DLGAP1: variants seen among roughly 807,000 people sequenced by gnomAD.
The protein encoded by DLGAP1 is DLG associated protein 1, also known as disks large-associated protein 1.
In DLGAP1, 11 loss-of-function variants were observed where a neutral mutation model predicts 90.8. That is an observed-to-expected ratio of 0.12 (90% CI 0.08 to 0.20). The LOEUF (loss-of-function observed/expected upper bound fraction) is 0.20. Ranked by LOEUF, DLGAP1 falls within the 10% of genes least tolerant of loss-of-function variation. The pLI is 1.00. For synonymous variants in DLGAP1, 558 were observed against 540.7 expected (o/e 1.03, Z -0.44); for missense variants, 1,050 against 1,333.8 (o/e 0.79, Z 3.31).
intron 3 of DLGAP1, among the ~76,000 whole-genome samples, chr18:3,917,397 C>T (rs1323165925): frequency 1.3e-5 from 2 of 152,138 alleles, no homozygotes; most frequent in Admixed American, 6.5e-5. Flanking sequence ...AAGCACTGGA[C>T]GTGAGTCTAA....
chr18:3,748,053 C>T (rs956583635), intron 5 of DLGAP1, among the ~76,000 whole-genome samples: 3 of 152,192 alleles, frequency 2.0e-5, no homozygotes, highest in Non-Finnish European at 2.9e-5. Context: ...TCTCATGTTA[C>T]GTTAATTATT....
chr18:4,163,575 T>C lies in DLGAP1; in HGVS notation c.-266-12288A>G, dbSNP rs934757916. ...GATCTGTAGAAGTAAATTGTGCACA[T>C]ACTTCCCACTGCCAATGTCATCACA... On this transcript the variant is annotated intron_variant, in intron 1 of 12. Transcript: ENST00000315677. Among the ~76,000 whole-genome samples, 3 of 152,226 alleles carry C rather than the reference T, an allele frequency of 2.0e-5. No individual in the cohort carries two copies. In the East Asian group the frequency reaches 5.8e-4, roughly 29 times the overall value.
chr18:3,816,677 GTAT>G (rs2067122351), intron 4 of DLGAP1, among the ~76,000 whole-genome samples: 1 of 152,130 alleles, frequency 6.6e-6, no homozygotes, highest in African/African-American at 2.4e-5. Flanking sequence ...CGGAGGGGTG[GTAT>G]TATTATTATT....
At chr18:4,330,916 A>T (rs1159894914) in intron 1 of DLGAP1, among the ~76,000 whole-genome samples, 2 of 151,806 alleles carry the variant, frequency 1.3e-5, no homozygotes, top group African/African-American at 4.9e-5. Context: ...TTGTTCTATC[A>T]GTTACTGGGA....
At chr18:3,996,844 G>T (rs980395793) in intron 3 of DLGAP1, among the ~76,000 whole-genome samples, 2 of 151,924 alleles carry the variant, frequency 1.3e-5, no homozygotes, top group African/African-American at 4.8e-5. Flanking sequence ...CAAATGTATA[G>T]GCTTTTTATT....
chr18:3,978,583 A>C (rs1163482283), intron 3 of DLGAP1: 1 of 228,774 alleles, frequency 4.4e-6, no homozygotes, highest in Non-Finnish European at 9.0e-6. Flanking sequence ...CAACACGACC[A>C]AGTTCGTTTA....
intron 2 of DLGAP1, among the ~76,000 whole-genome samples, chr18:4,122,933 A>T (rs1338289985): frequency 1.3e-5 from 2 of 151,906 alleles, no homozygotes; most frequent in African/African-American, 4.8e-5. Context: ...TCTTTGGGGG[A>T]TTTCTTGCCT....
chr18:3,886,175 C>T (rs2071308025), intron 3 of DLGAP1, among the ~76,000 whole-genome samples: 1 of 152,136 alleles, frequency 6.6e-6, no homozygotes, highest in Admixed American at 6.5e-5. Flanking sequence ...AAGTGGTGGA[C>T]CCTGCCCAGG....
At chr18:4,113,640 G>C (rs1307686231) in intron 2 of DLGAP1, among the ~76,000 whole-genome samples, 4 of 151,912 alleles carry the variant, frequency 2.6e-5, no homozygotes, top group African/African-American at 9.7e-5. Context: ...TACCAATTTT[G>C]GTTTTAGTTG....
At chr18:3,703,288 C>T (rs1026767085) in intron 7 of DLGAP1, among the ~76,000 whole-genome samples, 9 of 152,222 alleles carry the variant, frequency 5.9e-5, no homozygotes, top group East Asian at 1.9e-4. Flanking sequence ...CTTTGATTCA[C>T]GTGCTCTGAA....
intron 1 of DLGAP1, among the ~76,000 whole-genome samples, chr18:4,439,537 G>A (rs759621907): frequency 1.3e-5 from 2 of 152,176 alleles, no homozygotes; most frequent in African/African-American, 2.4e-5. Context: ...TGGGTGCAGT[G>A]GCTCATGCCT....
At chr18:3,693,987 C>T (rs936330205) in intron 7 of DLGAP1, among the ~76,000 whole-genome samples, 3 of 152,092 alleles carry the variant, frequency 2.0e-5, no homozygotes, top group Admixed American at 1.3e-4. Flanking sequence ...CCCATCAACC[C>T]ATTGTCTACA....
At chr18:4,351,079 CCTAA>C (rs879510229) in intron 1 of DLGAP1, among the ~76,000 whole-genome samples, 2 of 152,126 alleles carry the variant, frequency 1.3e-5, no homozygotes, top group African/African-American at 4.8e-5. Context: ...TAAATTGGCT[CCTAA>C]CTGAGAAAAT....
In DLGAP1 at chr18:3,880,042, G is replaced by A; in HGVS notation, c.27C>T (p.Ser9=). Residue 9 remains serine (S), a synonymous_variant, in exon 4 of 13, where the codon AGC becomes AGT. Coordinates refer to ENST00000315677, the MANE Select transcript of DLGAP1 (RefSeq NM_004746.4). The stretch of plus-strand genomic sequence containing the variant: ...AGTCGCAGGTGACCCCGTGGTGATG[G>A]CTGCGGCTGCCTGATAGCCCTTTCA... MKGLSGSR[S]HHHGVTCDSA... The A allele has an allele frequency of 2.5e-6, 4 of 1,604,116 alleles. No individual in the cohort carries two copies. Among genetic ancestry groups the A allele is most frequent in the Non-Finnish European group, 2.5e-6 (3 of 1,179,790 alleles).
At position 3,615,499 on chromosome 18, in the gene DLGAP1, C is replaced by G. The variant is rs1343981593; in HGVS notation, c.1592-33251G>C. ...TCTCAGGGGTTGCTGGAGGATTGGC[C>G]TTGGACACGCCCAGGTGAGGAGAGA... is the stretch of plus-strand genomic sequence containing the variant. On this transcript the variant is annotated intron_variant, in intron 7 of 12. Transcript: ENST00000315677. Among the ~76,000 whole-genome samples the G allele has an allele frequency of 3.3e-5, 5 of 152,228 alleles. No homozygotes were observed. The East Asian group carries it at 9.7e-4, about 29-fold the overall frequency.
intron 11 of DLGAP1, among the ~76,000 whole-genome samples, chr18:3,503,692 A>T (rs1195718079): frequency 6.6e-6 from 1 of 152,184 alleles, no homozygotes; most frequent in Non-Finnish European, 1.5e-5. Flanking sequence ...CCCTAATAAA[A>T]ATGATATCAG....
At chr18:4,230,585 C>T (rs1265757396) in intron 1 of DLGAP1, among the ~76,000 whole-genome samples, 3 of 151,368 alleles carry the variant, frequency 2.0e-5, no homozygotes, top group Admixed American at 1.3e-4. Context: ...AATTAAAACA[C>T]TTGAGCTCAT....
intron 1 of DLGAP1, among the ~76,000 whole-genome samples, chr18:4,388,144 T>C (rs2082273240): frequency 6.6e-6 from 1 of 151,910 alleles, no homozygotes; most frequent in Admixed American, 6.6e-5. Flanking sequence ...CTTTGCAATA[T>C]TTCAAGAGAC....
intron 1 of DLGAP1, among the ~76,000 whole-genome samples, chr18:4,391,591 G>A (rs530086829): frequency 6.6e-6 from 1 of 152,200 alleles, no homozygotes; most frequent in Admixed American, 6.5e-5. Flanking sequence ...TTGAAGAAGC[G>A]ACTACATAGC....
Sources: allele counts gnomAD v4.1 joint callset (sites outside exome capture counted in the v4.1 genomes callset), GRCh38; gene constraint gnomAD v4.1.1; transcripts MANE v1.5; gene names NCBI Gene and HGNC (gene_info 2026-07-23, HGNC 2026-07-21).